PCM1: variants seen among roughly 807,000 people sequenced by gnomAD.
PCM1 encodes pericentriolar material 1, also known as pericentriolar material 1 protein.
Under a neutral mutation model 241.9 loss-of-function variants are expected in PCM1, and 157 were observed. That is an observed-to-expected ratio of 0.65 (90% CI 0.57 to 0.74). PCM1 has a LOEUF of 0.74. Among genes scored for constraint, PCM1 ranks in the 30% least tolerant of loss-of-function variants. PCM1 has a pLI of 0.00. For synonymous variants in PCM1, 1,085 were observed against 784.9 expected, an observed-to-expected ratio of 1.38 and a Z score of -6.39; for missense variants, 3,478 against 2,360.1, an observed-to-expected ratio of 1.47 and a Z score of -9.81.
chr8:17,941,884 C>T (rs1374781719), intron 6 of PCM1, among the ~76,000 whole-genome samples: 2 of 152,010 alleles, frequency 1.3e-5, no homozygotes, highest in South Asian at 2.1e-4. Flanking sequence ...AGCACTTCTT[C>T]TGTTCATATT....
At chr8:18,016,296 A>AT (rs2129486678) in intron 36 of PCM1, among the ~76,000 whole-genome samples, 1 of 143,930 alleles carries the variant, frequency 6.9e-6, no homozygotes, top group African/African-American at 2.5e-5. Flanking sequence ...AAGATAGGGT[A>AT]TTATGGGTTC....
At chr8:17,979,398 A>T (rs928475141) in intron 23 of PCM1, among the ~76,000 whole-genome samples, 4 of 152,220 alleles carry the variant, frequency 2.6e-5, no homozygotes, top group Non-Finnish European at 5.9e-5. Context: ...AAGAAAGCCC[A>T]AGAGATACTG....
chr8:18,026,292 C>T (rs1414148450), intron 38 of PCM1, among the ~76,000 whole-genome samples: 2 of 138,756 alleles, frequency 1.4e-5, no homozygotes, highest in African/African-American at 5.4e-5. Flanking sequence ...AGAGTCTCTG[C>T]CACCGAGGCT....
At chr8:17,963,452 C>G (rs2073454539) in intron 17 of PCM1, among the ~76,000 whole-genome samples, 161 bp downstream of exon 17, 1 of 152,182 alleles carries the variant, frequency 6.6e-6, no homozygotes, top group South Asian at 2.1e-4. Flanking sequence ...TAATTGAATC[C>G]AGCCACTTTC....
At chr8:17,968,762 G>GTGTGTA (rs373502456) in intron 21 of PCM1, among the ~76,000 whole-genome samples, 30,562 of 135,996 alleles carry the variant, frequency 0.22, 3,997 homozygotes, top group Middle Eastern at 0.36. Context: ...GTGTGTGTGT[G>GTGTGTA]TATATATATA....
At chr8:17,952,139 C>T (rs1157211069) in intron 8 of PCM1, among the ~76,000 whole-genome samples, 1 of 151,978 alleles carries the variant, frequency 6.6e-6, no homozygotes, top group Non-Finnish European at 1.5e-5. Context: ...AGGAGAATCG[C>T]TTGAACCCAG....
At chr8:18,022,976 T>C (rs2093878829) in intron 36 of PCM1, among the ~76,000 whole-genome samples, 1 of 152,154 alleles carries the variant, frequency 6.6e-6, no homozygotes, top group South Asian at 2.1e-4. Context: ...CCATGTGTAA[T>C]ACATAGAAGT....
intron 36 of PCM1, among the ~76,000 whole-genome samples, chr8:18,017,683 G>C (rs2093354230): frequency 6.6e-6 from 1 of 152,130 alleles, no homozygotes; most frequent in Admixed American, 6.6e-5. Context: ...AATAAACCCT[G>C]TCTCTATTAA....
intron 16 of PCM1, among the ~76,000 whole-genome samples, chr8:17,962,385 T>C (rs2072749834): frequency 1.3e-5 from 2 of 152,154 alleles, no homozygotes; most frequent in Non-Finnish European, 2.9e-5. Flanking sequence ...TAAACTTTAA[T>C]TGAAAAGTTT....
intron 6 of PCM1, 77 bp from the exon 7 acceptor site, chr8:17,947,109 T>C (rs2064122920): frequency 1.2e-6 from 1 of 807,134 alleles, no homozygotes; most frequent in African/African-American, 1.7e-5. Flanking sequence ...TCAATGTGTA[T>C]ACTTTGCCAT....
intron 36 of PCM1, among the ~76,000 whole-genome samples, chr8:18,023,819 G>A (rs1210503938): frequency 6.6e-6 from 1 of 152,192 alleles, no homozygotes; most frequent in Non-Finnish European, 1.5e-5. Context: ...TGCCATCAGG[G>A]AAGCTAACAC....
chr8:17,978,762 G>A (rs889495237), intron 23 of PCM1, among the ~76,000 whole-genome samples: 1 of 152,060 alleles, frequency 6.6e-6, no homozygotes, highest in South Asian at 2.1e-4. Flanking sequence ...AAAGAAAACA[G>A]TAGATCAGTC....
At chr8:17,957,064 T>C (rs2068855789) in intron 11 of PCM1, among the ~76,000 whole-genome samples, 200 bp from the exon 12 acceptor site, 1 of 152,202 alleles carries the variant, frequency 6.6e-6, no homozygotes, top group African/African-American at 2.4e-5. Context: ...GTAATTTTCA[T>C]TTTTTCAGAT....
At chr8:17,963,868 A>G (rs571873548) in intron 17 of PCM1, among the ~76,000 whole-genome samples, 1 of 152,272 alleles carries the variant, frequency 6.6e-6, no homozygotes, top group African/African-American at 2.4e-5. Context: ...CTCAGATGGC[A>G]TTTCTGGAAT....
rs561145371 is a variant in PCM1, at chr8:17,969,721, G to A, written c.3557G>A (p.Ser1186Asn). 7 of 1,604,526 alleles carry A rather than the reference G, an allele frequency of 4.4e-6. No homozygotes were observed. Among genetic ancestry groups the A allele is most frequent in the African/African-American group, 2.8e-5 (2 of 71,454 alleles). The change falls in exon 22 of 39, where the codon AGT becomes AAT. Residue 1186 changes from serine (S) to asparagine (N), a missense_variant. Coordinates refer to ENST00000325083, the MANE Select transcript of PCM1 (RefSeq NM_006197.4). Reference protein sequence around the residue: ...YMAFPKPFESSSSIGAEKPRN... With the variant: ...YMAFPKPFESNSSIGAEKPRN... ...GCTTTTCCAAAACCTTTTGAAAGCA[G>A]TTCCTCTATTGGAGCAGAGAAACCA...
intron 2 of PCM1, among the ~76,000 whole-genome samples, chr8:17,931,076 T>A (rs575974702): frequency 6.6e-6 from 1 of 152,280 alleles, no homozygotes; most frequent in Non-Finnish European, 1.5e-5. Context: ...CCTGATAGAT[T>A]AGACTTTAGT....
Position 17,958,017 on chromosome 8 carries a change from A to G in PCM1, c.2040+242A>G, listed in dbSNP as rs566601284. ...ATATAGTATCTGTCACAATTTCACA[A>G]TGCAAAAGCAGCCATACATAATACA... On this transcript the variant is annotated intron_variant, in intron 13 of 38. Coordinates refer to ENST00000325083, the MANE Select transcript of PCM1 (RefSeq NM_006197.4). 2.6e-5 allele frequency among the ~76,000 whole-genome samples: 4 copies of G among 152,358 alleles called. No individual in the cohort carries two copies. The South Asian group carries it at 6.2e-4, about 24-fold the overall frequency.
chr8:17,960,342 G>A lies in PCM1; in HGVS notation c.2220G>A (p.Gln740=). The change falls in exon 15 of 39, where the codon CAG becomes CAA. Residue 740 remains glutamine, a synonymous_variant. Coordinates refer to ENST00000325083, the MANE Select transcript of PCM1 (RefSeq NM_006197.4). ...AGAAATTTTATGAGGCTAAACTACA[G>A]CAGCAACAGAGAGAGCTAAAACAAT... ...AREKFYEAKL[Q]QQQRELKQLQ... The A allele has an allele frequency of 6.3e-7, 1 of 1,595,936 alleles. No homozygotes were observed. The highest frequency in any genetic ancestry group is 8.5e-7 in the Non-Finnish European group (1 of 1,175,058).
At chr8:17,994,939 C>T (rs1474514375) in intron 29 of PCM1, among the ~76,000 whole-genome samples, 5 of 151,434 alleles carry the variant, frequency 3.3e-5, no homozygotes, top group Admixed American at 1.3e-4. Flanking sequence ...AATCCCTTGT[C>T]GGATGGTTTG....
Sources: gnomAD v4.1 joint callset for allele counts (sites outside exome capture counted in the v4.1 genomes callset) on GRCh38, gnomAD v4.1.1 for gene constraint, MANE v1.5 for transcripts, NCBI Gene and HGNC (gene_info 2026-07-23, HGNC 2026-07-21) for gene names.